The following LMNA variants were observed in gnomAD, a reference collection of about 807,000 sequenced individuals.
LMNA encodes lamin A/C, also known as lamin.
A neutral mutation model predicts 70.4 loss-of-function variants in LMNA; 20 were observed. The observed-to-expected ratio is 0.28, with a 90% CI of 0.20 to 0.41. The LOEUF is 0.41. Among genes scored for constraint, LMNA ranks in the 10% least tolerant of loss-of-function variants. The probability of loss-of-function intolerance (pLI) is 1.00; values close to 1 mark genes in which losing one functional copy is unlikely to be tolerated. For missense variants in LMNA, 652 were observed against 917.2 expected (o/e 0.71, Z 3.73); for synonymous variants, 339 against 372.8 (o/e 0.91, Z 1.04).
chr1:156,092,623 A>G (rs899948546), intron 3 of LMNA, among the ~76,000 whole-genome samples: 2 of 151,482 alleles, frequency 1.3e-5, no homozygotes, highest in African/African-American at 4.9e-5. Flanking sequence ...AGGTTGCAGT[A>G]AGCTGTGATT....
At chr1:156,089,369 C>A (rs1034668459) in intron 2 of LMNA, among the ~76,000 whole-genome samples, 1 of 151,786 alleles carries the variant, frequency 6.6e-6, no homozygotes, top group African/African-American at 2.4e-5. Flanking sequence ...GATCTTGGCT[C>A]ACTGCAACCT....
At position 156,095,458 on chromosome 1, in the gene LMNA, C is replaced by T. The variant is rs1249541569; in HGVS notation, c.-207+4876C>T. Among the ~76,000 whole-genome samples, 2 of 152,056 alleles carry T rather than the reference C, an allele frequency of 1.3e-5. 1 individual carries two copies. On this transcript the variant is annotated intron_variant, in intron 3 of 12. Transcript: ENST00000368301. ...TTCTCAAGTGATTCTCCTGCCTTAG[C>T]CTCCTGAGTAGCTAGGATTACAGGC... is the stretch of plus-strand genomic sequence containing the variant.
intron 1 of LMNA, chr1:156,123,040 G>A (rs521354): frequency 0.1 from 15,193 of 152,320 alleles, 1,362 homozygotes; most frequent in African/African-American, 0.24. Context: ...TCATGGTAGA[G>A]GGCAGAGTGG....
rs142191737 is a variant in LMNA, at chr1:156,137,679, G to A, written c.1634G>A (p.Arg545His). ...GAAGTGGCCATGCGCAAGCTGGTGC[G>A]CTCAGTGACTGTGGTTGAGGACGAC... ...GEEVAMRKLV[R>H]SVTVVEDDED... The change falls in exon 10 of 12, where the codon CGC (arginine) becomes CAC (histidine). Residue 545 changes from arginine to histidine, a missense_variant. This residue lies in a region of LMNA where 327 missense variants were observed against 387.6 expected (regional missense o/e 0.84). Coordinates refer to ENST00000368300, the MANE Select transcript of LMNA (RefSeq NM_170707.4). The surrounding 1 kb of genome is among the most constrained non-coding windows in gnomAD (Gnocchi z 4.6). 2.8e-4 allele frequency: 441 copies of A among 1,555,522 alleles called. No homozygotes were observed. Among genetic ancestry groups the A allele is most frequent in the Non-Finnish European group, 3.6e-4 (419 of 1,148,970 alleles).
In LMNA at chr1:156,134,726, G is replaced by A. The variant is rs1037796661; in HGVS notation, c.640-79G>A. 10 of 1,590,754 alleles carry A rather than the reference G, an allele frequency of 6.3e-6. No homozygotes were observed. Among genetic ancestry groups the A allele is most frequent in the Non-Finnish European group, 8.6e-6 (10 of 1,160,088 alleles). ...TGGCTCATGGAGTAGGGCTGGGCAGGGAGCCCCGCCCCTGGGTCTTGGCCT... is the reference window on the plus strand; with the variant it reads ...TGGCTCATGGAGTAGGGCTGGGCAGAGAGCCCCGCCCCTGGGTCTTGGCCT... On this transcript the variant is annotated intron_variant, in intron 3 of 11. Transcript: ENST00000368300. The surrounding 1 kb of genome is among the most constrained non-coding windows in gnomAD (Gnocchi z 5.3).
exon 2 of LMNA, chr1:156,083,149 C>A (rs1429744577): frequency 6.6e-6 from 1 of 152,396 alleles, no homozygotes; most frequent in South Asian, 2.1e-4. Context: ...CCCCCGCCCC[C>A]CCAGTCTCGG....
At position 156,137,922 on chromosome 1, in the gene LMNA, G is replaced by A; in HGVS notation, c.1698+179G>A. 1 of 1,340,336 alleles carries A rather than the reference G, an allele frequency of 7.5e-7. No individual in the cohort carries two copies. The highest frequency in any genetic ancestry group is 1.0e-6 in the Non-Finnish European group (1 of 998,164). The allele number at this position is 1,340,336 out of a possible 1,614,324, so 83.0% of individuals were successfully genotyped here. ...CCCTATACCTTGAACAGGGAACCCA[G>A]GTGTCTGGGTGCCCTACTCTGGTAA... On this transcript the variant is annotated intron_variant, in intron 10 of 11. Transcript: ENST00000368300. This position sits in a 1 kb window ranked among gnomAD's most constrained non-coding sequence, Gnocchi z 4.6.
chr1:156,137,025 G>A lies in LMNA; in HGVS notation c.1485G>A (p.Val495=), dbSNP rs1651703234. The change falls in exon 8 of 12, where the codon GTG becomes GTA. Residue 495 remains valine (V), a synonymous_variant. Coordinates refer to ENST00000368300, the MANE Select transcript of LMNA (RefSeq NM_170707.4). This position sits in a 1 kb window ranked among gnomAD's most constrained non-coding sequence, Gnocchi z 4.6. Reference sequence around the variant, plus strand: ...TCACCCTGAAGGCTGGGCAGGTGGTGACGGTGAGTGGCAGGGCGCTTGGGA... The same window carrying A: ...TCACCCTGAAGGCTGGGCAGGTGGTAACGGTGAGTGGCAGGGCGCTTGGGA... ...PKFTLKAGQV[V]TIWAAGAGAT... is the part of the protein sequence containing the mutation. The A allele has an allele frequency of 1.2e-6, 2 of 1,614,192 alleles. No individual in the cohort carries two copies. The highest frequency in any genetic ancestry group is 1.7e-6 in the Non-Finnish European group (2 of 1,180,032).
At chr1:156,112,882 A>C (rs1649591516), upstream of LMNA, among the ~76,000 whole-genome samples, 1 of 152,220 alleles carries the variant, frequency 6.6e-6, no homozygotes, top group African/African-American at 2.4e-5. Flanking sequence ...TTGGAGCTGT[A>C]CAAGGTAGCA....
At chr1:156,120,770 C>T (rs1342829745) in intron 1 of LMNA, among the ~76,000 whole-genome samples, 3 of 152,150 alleles carry the variant, frequency 2.0e-5, no homozygotes, top group South Asian at 2.1e-4. Flanking sequence ...AGCATATGAT[C>T]GATAGCCTTT....
intron 1 of LMNA, among the ~76,000 whole-genome samples, chr1:156,125,308 A>G (rs1650475558): frequency 6.6e-6 from 1 of 152,158 alleles, no homozygotes; most frequent in Non-Finnish European, 1.5e-5. Context: ...TTGCTGGAAC[A>G]AAAGGAGGGG....
rs761738302 is a variant in LMNA, at chr1:156,136,892, G to T, written c.1381-29G>T. ...CCCAAGAGCCTGGGTGAGCCTCCCC[G>T]ACCTTCCTCTTCCCTATCTTCCCGG... On this transcript the variant is annotated intron_variant, in intron 7 of 11. Coordinates refer to ENST00000368300, the MANE Select transcript of LMNA (RefSeq NM_170707.4). The surrounding 1 kb of genome is among the most constrained non-coding windows in gnomAD (Gnocchi z 6.1). The T allele has an allele frequency of 1.9e-6, 3 of 1,598,540 alleles. No individual in the cohort carries two copies. The African/African-American group carries it at 4.0e-5, about 21-fold the overall frequency.
chr1:156,100,187 A>C (rs147112788), intron 3 of LMNA, among the ~76,000 whole-genome samples: 1 of 152,326 alleles, frequency 6.6e-6, no homozygotes, highest in Non-Finnish European at 1.5e-5. Context: ...TCTCCTCTAT[A>C]AAATGAGAAT....
chr1:156,091,874 G>A (rs1245797703), intron 3 of LMNA, among the ~76,000 whole-genome samples: 1 of 152,012 alleles, frequency 6.6e-6, no homozygotes, highest in Non-Finnish European at 1.5e-5. Flanking sequence ...GGATGGTCAT[G>A]CTATCTGGCC....
At chr1:156,129,127 G>T (rs1250913982) in intron 1 of LMNA, among the ~76,000 whole-genome samples, 1 of 152,234 alleles carries the variant, frequency 6.6e-6, no homozygotes, top group African/African-American at 2.4e-5. Context: ...TCCGGTTCTG[G>T]AAGGGGCTCT....
chr1:156,112,681 C>G (rs1410732649), upstream of LMNA, among the ~76,000 whole-genome samples: 1 of 152,180 alleles, frequency 6.6e-6, no homozygotes, highest in Non-Finnish European at 1.5e-5. Flanking sequence ...GGGTGCATCC[C>G]TAGTGCTCAC....
chr1:156,126,965 G>A (rs1650642770), intron 1 of LMNA: 1 of 1,504,502 alleles, frequency 6.6e-7, no homozygotes, highest in Non-Finnish European at 8.9e-7. Context: ...GTGTGCCTGA[G>A]CATGAGTCAC....
chr1:156,120,400 C>T (rs1650104846), intron 1 of LMNA, among the ~76,000 whole-genome samples: 1 of 152,222 alleles, frequency 6.6e-6, no homozygotes, highest in Non-Finnish European at 1.5e-5. Flanking sequence ...CTCACTTCTG[C>T]AGCCTGGAAA....
chr1:156,116,311 C>A (rs1195416453), intron 1 of LMNA, among the ~76,000 whole-genome samples: 1 of 152,166 alleles, frequency 6.6e-6, no homozygotes, highest in Non-Finnish European at 1.5e-5. Flanking sequence ...AAGATTCAGG[C>A]CACTCCCACT....
Sources: gnomAD v4.1 joint callset for allele counts (sites outside exome capture counted in the v4.1 genomes callset) on GRCh38, gnomAD v4.1.1 for gene constraint, gnomAD v4.1.1 regional missense constraint, Gnocchi (gnomAD v3.1) non-coding constraint, MANE v1.5 for transcripts, NCBI Gene and HGNC (gene_info 2026-07-23, HGNC 2026-07-21) for gene names.